GRID1: variants seen among roughly 807,000 people sequenced by gnomAD.
GRID1 encodes glutamate ionotropic receptor delta type subunit 1, also known as glutamate receptor ionotropic, delta-1.
In GRID1, 28 loss-of-function variants were observed where a neutral mutation model predicts 98.0. The ratio of observed to expected loss-of-function variants is 0.29; its 90% CI spans 0.21 to 0.39. GRID1 has a LOEUF of 0.39. GRID1 is among the 10% of genes least tolerant of loss of function. The probability of loss-of-function intolerance (pLI) is 1.00; values close to 1 mark genes in which losing one functional copy is unlikely to be tolerated. For missense variants in GRID1, 1,111 were observed against 1,340.5 expected, an observed-to-expected ratio of 0.83 and a Z score of 2.67; for synonymous variants, 553 against 538.5, an observed-to-expected ratio of 1.03 and a Z score of -0.37.
chr10:86,314,792 G>A (rs1352133731), intron 2 of GRID1, among the ~76,000 whole-genome samples: 13 of 152,208 alleles, frequency 8.5e-5, no homozygotes, highest in Non-Finnish European at 1.9e-4. Flanking sequence ...CCCGGAATCT[G>A]AGGCTGCCAT....
intron 4 of GRID1, among the ~76,000 whole-genome samples, chr10:86,031,495 C>T (rs1262629774): frequency 6.6e-6 from 1 of 152,086 alleles, no homozygotes; most frequent in African/African-American, 2.4e-5. Context: ...ATTAGACGCC[C>T]AAACCTCAAC....
At chr10:85,810,442 C>T (rs1167027836) in intron 8 of GRID1, among the ~76,000 whole-genome samples, 2 of 152,156 alleles carry the variant, frequency 1.3e-5, no homozygotes, top group Non-Finnish European at 2.9e-5. Context: ...CCTGGCTAGA[C>T]ACACCCTTGA....
chr10:85,837,425 G>A (rs935494867), intron 8 of GRID1, among the ~76,000 whole-genome samples: 13 of 152,140 alleles, frequency 8.5e-5, no homozygotes, highest in Non-Finnish European at 1.5e-4. Context: ...TGCAGCTGTC[G>A]CACCTTGGCA....
At chr10:85,951,291 G>A (rs549892281) in intron 4 of GRID1, among the ~76,000 whole-genome samples, 32 of 152,252 alleles carry the variant, frequency 2.1e-4, no homozygotes, top group African/African-American at 7.5e-4. Flanking sequence ...TGAATGTGAT[G>A]GGATGGAATC....
intron 13 of GRID1, among the ~76,000 whole-genome samples, chr10:85,642,052 T>C (rs1248935092): frequency 2.0e-5 from 3 of 152,314 alleles, no homozygotes; most frequent in East Asian, 3.9e-4. Flanking sequence ...CTACAGGCAA[T>C]GTCCCTGGGT....
At chr10:85,810,215 G>T (rs576875458) in intron 8 of GRID1, among the ~76,000 whole-genome samples, 1 of 151,088 alleles carries the variant, frequency 6.6e-6, no homozygotes, top group Non-Finnish European at 1.5e-5. Context: ...AGTGTGCTCT[G>T]CCCTGGGGGC....
intron 2 of GRID1, among the ~76,000 whole-genome samples, chr10:86,276,614 T>C (rs932725343): frequency 1.3e-5 from 2 of 151,924 alleles, no homozygotes; most frequent in Admixed American, 6.6e-5. Context: ...GCGATTCTCA[T>C]GCCTCAGCCT....
chr10:85,710,558 G>A (rs150514204), intron 12 of GRID1, among the ~76,000 whole-genome samples: 2 of 152,176 alleles, frequency 1.3e-5, no homozygotes, highest in East Asian at 3.9e-4. Flanking sequence ...CGTTAGATTT[G>A]GCAATGAATA....
intron 4 of GRID1, among the ~76,000 whole-genome samples, chr10:85,963,698 T>C (rs760542476): frequency 3.3e-5 from 5 of 152,212 alleles, no homozygotes; most frequent in Non-Finnish European, 7.3e-5. Context: ...AAGGTAGATA[T>C]AGCCACTACA....
intron 4 of GRID1, among the ~76,000 whole-genome samples, chr10:86,067,230 C>G (rs574904516): frequency 1.3e-5 from 2 of 152,320 alleles, no homozygotes; most frequent in Admixed American, 1.3e-4. Context: ...AGAGGCGGCT[C>G]CAGCAGTACA....
At chr10:86,011,518 T>A (rs1842923466) in intron 4 of GRID1, among the ~76,000 whole-genome samples, 2 of 152,170 alleles carry the variant, frequency 1.3e-5, no homozygotes, top group African/African-American at 4.8e-5. Flanking sequence ...GATGGCAGCT[T>A]TTAAGTGCTC....
intron 4 of GRID1, among the ~76,000 whole-genome samples, chr10:85,934,915 G>A (rs1313818179): frequency 3.3e-5 from 5 of 152,134 alleles, no homozygotes; most frequent in Non-Finnish European, 1.5e-5. Flanking sequence ...AAGCCACCTC[G>A]GTACTTTAAG....
chr10:85,810,080 G>A lies in GRID1; in HGVS notation c.1233+44416C>T, dbSNP rs147854762. Among the ~76,000 whole-genome samples, 259 of 151,616 alleles carry A rather than the reference G, an allele frequency of 1.7e-3. 2 individuals are homozygous for A. The highest frequency in any genetic ancestry group is 5.6e-3 in the African/African-American group (232 of 41,120). ...TACTGGAGTGTGCTCTGCCCTGGGG[G>A]CCAGTAGCAACTTTGGGCCTCCAAC... On this transcript the variant is annotated intron_variant, in intron 8 of 15. Transcript: ENST00000327946.
chr10:86,007,252 T>G (rs548794294), intron 4 of GRID1, among the ~76,000 whole-genome samples: 3 of 152,338 alleles, frequency 2.0e-5, no homozygotes, highest in East Asian at 3.9e-4. Flanking sequence ...TAGAACTAGA[T>G]TTGTTGTGGG....
chr10:85,976,420 G>C (rs1295113205), intron 4 of GRID1, among the ~76,000 whole-genome samples: 1 of 152,186 alleles, frequency 6.6e-6, no homozygotes, highest in Non-Finnish European at 1.5e-5. Flanking sequence ...AGTGAAGGCA[G>C]GCTGAGCTCC....
At chr10:86,165,472 T>C (rs1023228894) in intron 3 of GRID1, among the ~76,000 whole-genome samples, 2 of 152,140 alleles carry the variant, frequency 1.3e-5, no homozygotes, top group African/African-American at 4.8e-5. Context: ...GCTGGCCTCC[T>C]GGAGACAGAG....
intron 3 of GRID1, among the ~76,000 whole-genome samples, chr10:86,160,044 GCAT>G (rs1845299662): frequency 6.6e-6 from 1 of 151,750 alleles, no homozygotes; most frequent in South Asian, 2.1e-4. Flanking sequence ...ATCAACACCA[GCAT>G]CATCATCATT....
At chr10:85,794,430 A>G (rs1160574636) in intron 8 of GRID1, among the ~76,000 whole-genome samples, 1 of 152,218 alleles carries the variant, frequency 6.6e-6, no homozygotes, top group East Asian at 1.9e-4. Flanking sequence ...GTCAATAATG[A>G]ATTTTATAAG....
chr10:85,689,895 G>A (rs1176602369), intron 12 of GRID1, among the ~76,000 whole-genome samples: 1 of 152,146 alleles, frequency 6.6e-6, no homozygotes, highest in Non-Finnish European at 1.5e-5. Context: ...CAGAAATGTA[G>A]GAGTTTAGAA....
Sources: gnomAD v4.1 joint callset for allele counts (sites outside exome capture counted in the v4.1 genomes callset) on GRCh38, gnomAD v4.1.1 for gene constraint, MANE v1.5 for transcripts, NCBI Gene and HGNC (gene_info 2026-07-23, HGNC 2026-07-21) for gene names.